Variants in CELF4 observed in about 807,000 individuals in gnomAD.
CELF4 encodes the protein CUG-BP- and ETR-3-like factor 4.
A neutral mutation model predicts 59.9 loss-of-function variants in CELF4; 18 were observed. The ratio of observed to expected loss-of-function variants is 0.30; its 90% CI spans 0.21 to 0.45. CELF4 has a LOEUF of 0.45. Ranked by LOEUF, CELF4 falls within the 20% of genes least tolerant of loss-of-function variation. The pLI is 1.00. For synonymous variants in CELF4, 261 were observed against 267.1 expected (o/e 0.98, Z 0.22); for missense variants, 456 against 689.0 (o/e 0.66, Z 3.79).
At chr18:37,328,821 C>T (rs761523602) in intron 2 of CELF4, among the ~76,000 whole-genome samples, 1 of 152,176 alleles carries the variant, frequency 6.6e-6, no homozygotes, top group Admixed American at 6.5e-5. Context: ...GACCCGCACG[C>T]TAGAGCTCAC....
rs116066640 is a variant in CELF4 at position 37,372,874 on chromosome 18, G to T, written c.370-50993C>A. On this transcript the variant is annotated intron_variant, in intron 2 of 12. Coordinates refer to ENST00000420428, the MANE Select transcript of CELF4 (RefSeq NM_020180.4). ...GAAGGATGTTCTCTGGGTGGGGCAG[G>T]GTCCTGCCTTAGCATGTGAATTAGT... Among the ~76,000 whole-genome samples the T allele has an allele frequency of 2.8e-3, 432 of 152,170 alleles. 3 individuals are homozygous for T. Among genetic ancestry groups the T allele is most frequent in the African/African-American group, 0.01 (417 of 41,530 alleles).
chr18:37,510,157 A>G (rs1180737311), intron 1 of CELF4, among the ~76,000 whole-genome samples: 1 of 152,210 alleles, frequency 6.6e-6, no homozygotes, highest in Non-Finnish European at 1.5e-5. Context: ...AATGTTTAAG[A>G]GAAAAGAAGA....
rs971885388 is a variant in CELF4 at position 37,506,629 on chromosome 18, G to A, written c.287-21022C>T. On this transcript the variant is annotated intron_variant, in intron 1 of 12. Transcript: ENST00000420428. ...TCCTCTCTGAACTTGAGCTGCAGTC[G>A]CCCACAAGGCCCCCACATCCAGCAG... Among the ~76,000 whole-genome samples the A allele has an allele frequency of 3.3e-5, 5 of 152,246 alleles. 1 individual carries two copies. Among genetic ancestry groups the A allele is most frequent in the Admixed American group, 6.5e-5 (1 of 15,298 alleles).
chr18:37,397,079 C>T (rs1048818338), intron 2 of CELF4, among the ~76,000 whole-genome samples: 1 of 152,062 alleles, frequency 6.6e-6, no homozygotes, highest in Non-Finnish European at 1.5e-5. Context: ...GATGGCGGCT[C>T]AGCCCATGTC....
At chr18:37,477,208 T>C (rs1177107948) in intron 2 of CELF4, among the ~76,000 whole-genome samples, 1 of 152,100 alleles carries the variant, frequency 6.6e-6, no homozygotes, top group Non-Finnish European at 1.5e-5. Context: ...GAATCCAAGA[T>C]GGGAACTCTG....
intron 2 of CELF4, among the ~76,000 whole-genome samples, chr18:37,384,985 C>T (rs553455980): frequency 6.6e-6 from 1 of 152,172 alleles, no homozygotes; most frequent in Admixed American, 6.5e-5. Context: ...CAAGCCTTTT[C>T]TCCCTTTGTC....
intron 2 of CELF4, among the ~76,000 whole-genome samples, chr18:37,427,046 G>C (rs1011159095): frequency 7.2e-5 from 11 of 151,808 alleles, no homozygotes; most frequent in Admixed American, 3.3e-4. Context: ...ACGGGGGGGG[G>C]GGAAGCTGGG....
intron 1 of CELF4, among the ~76,000 whole-genome samples, chr18:37,547,160 GGTGTGTGTGT>G (rs59169669): frequency 6.9e-6 from 1 of 144,170 alleles, no homozygotes; most frequent in Non-Finnish European, 1.5e-5. Context: ...GTGTGTGTGT[GGTGTGTGTGT>G]GTGTGTGTGT....
At chr18:37,412,911 A>G (rs902981976) in intron 2 of CELF4, among the ~76,000 whole-genome samples, 2 of 152,002 alleles carry the variant, frequency 1.3e-5, no homozygotes, top group African/African-American at 4.8e-5. Context: ...TGGTTGGTGA[A>G]TTGGGTCAGA....
At chr18:37,537,054 C>T (rs1016978382) in intron 1 of CELF4, among the ~76,000 whole-genome samples, 5 of 152,336 alleles carry the variant, frequency 3.3e-5, no homozygotes, top group South Asian at 2.1e-4. Context: ...CTGGCTTTCC[C>T]GACCCTTCTG....
chr18:37,455,457 G>T (rs2099775554), intron 2 of CELF4, among the ~76,000 whole-genome samples: 1 of 152,214 alleles, frequency 6.6e-6, no homozygotes, highest in African/African-American at 2.4e-5. Flanking sequence ...TTGTGGGATA[G>T]CACAGCCAAG....
intron 2 of CELF4, among the ~76,000 whole-genome samples, chr18:37,368,106 T>C (rs1366506416): frequency 3.9e-5 from 6 of 152,162 alleles, no homozygotes; most frequent in Admixed American, 3.9e-4. Context: ...TGACTCCATC[T>C]GTGGAGGAGA....
chr18:37,479,168 C>T (rs1256011766), intron 2 of CELF4, among the ~76,000 whole-genome samples: 3 of 152,222 alleles, frequency 2.0e-5, no homozygotes, highest in African/African-American at 7.2e-5. Flanking sequence ...GCCCTCTGCT[C>T]CTGCCCGTAC....
downstream of CELF4, chr18:37,242,901 C>T (rs1314574432): frequency 6.6e-6 from 1 of 152,230 alleles, no homozygotes; most frequent in Non-Finnish European, 1.5e-5. Flanking sequence ...CCCAGAAGAG[C>T]CTCACATGCT....
rs56377139 is a variant in CELF4, at chr18:37,471,811, A to G, written c.369+13714T>C. 3.7e-3 allele frequency among the ~76,000 whole-genome samples: 562 copies of G among 152,310 alleles called. 1 individual carries two copies. Among genetic ancestry groups the G allele is most frequent in the Non-Finnish European group, 7.1e-3 (481 of 68,036 alleles). ...TATGCTCCTGGTGGGTGCTCAGGAAACACTTACTGAATTGAATTACAAACC... is the reference window on the plus strand; with the variant it reads ...TATGCTCCTGGTGGGTGCTCAGGAAGCACTTACTGAATTGAATTACAAACC... On this transcript the variant is annotated intron_variant, in intron 2 of 12. Transcript: ENST00000420428.
At chr18:37,558,735 C>A (rs2154606203) in intron 1 of CELF4, among the ~76,000 whole-genome samples, 1 of 151,970 alleles carries the variant, frequency 6.6e-6, no homozygotes, top group East Asian at 2.0e-4. Context: ...GGCTCCCTGC[C>A]ACGCCCTGCT....
At chr18:37,421,527 G>A (rs1411790429) in intron 2 of CELF4, among the ~76,000 whole-genome samples, 2 of 148,286 alleles carry the variant, frequency 1.3e-5, no homozygotes, top group Non-Finnish European at 3.0e-5. Context: ...CCTGATTAAC[G>A]GCCACCCCTG....
intron 2 of CELF4, among the ~76,000 whole-genome samples, chr18:37,441,610 G>T (rs555374174): frequency 6.6e-6 from 1 of 152,146 alleles, no homozygotes; most frequent in Non-Finnish European, 1.5e-5. Flanking sequence ...GGCAGCCAGG[G>T]ACTATTATCT....
intron 2 of CELF4, among the ~76,000 whole-genome samples, chr18:37,445,544 C>T (rs753574514): frequency 6.6e-6 from 1 of 151,690 alleles, no homozygotes; most frequent in Non-Finnish European, 1.5e-5. Flanking sequence ...GGCTGAGTTA[C>T]AAGGACACAA....
Sources: gnomAD v4.1 joint callset for allele counts (sites outside exome capture counted in the v4.1 genomes callset) on GRCh38, gnomAD v4.1.1 for gene constraint, MANE v1.5 for transcripts, NCBI Gene and HGNC (gene_info 2026-07-23, HGNC 2026-07-21) for gene names.